CENPP: variants seen among roughly 807,000 people sequenced by gnomAD.
The protein encoded by CENPP is centromere protein P.
A neutral mutation model predicts 35.6 loss-of-function variants in CENPP; 24 were observed. The ratio of observed to expected loss-of-function variants is 0.67; its 90% CI spans 0.49 to 0.95. The LOEUF is 0.95. Among genes scored for constraint, CENPP ranks in the 40% least tolerant of loss-of-function variants. CENPP has a pLI of 0.00. For missense variants in CENPP, 332 were observed against 345.3 expected (o/e 0.96, Z 0.31); for synonymous variants, 120 against 125.5 (o/e 0.96, Z 0.29).
intron 5 of CENPP, chr9:92,511,963 C>G: frequency 7.1e-7 from 1 of 1,406,898 alleles, no homozygotes; most frequent in Non-Finnish European, 9.9e-7. Flanking sequence ...CAATGCAAGT[C>G]ATAGTGAAGC....
At chr9:92,566,161 C>T (rs1291837997) in intron 5 of CENPP, among the ~76,000 whole-genome samples, 2 of 151,704 alleles carry the variant, frequency 1.3e-5, no homozygotes, top group African/African-American at 2.4e-5. Flanking sequence ...ATTAGCCGGG[C>T]GTGATGTCGG....
At chr9:92,543,334 A>G (rs1388948740) in intron 5 of CENPP, among the ~76,000 whole-genome samples, 4 of 151,962 alleles carry the variant, frequency 2.6e-5, no homozygotes, top group Non-Finnish European at 2.9e-5. Flanking sequence ...TTGGCTGGGC[A>G]TGGTGGTACG....
At chr9:92,375,587 C>T (rs780127103) in intron 4 of CENPP, among the ~76,000 whole-genome samples, 11 of 152,184 alleles carry the variant, frequency 7.2e-5, no homozygotes, top group African/African-American at 1.9e-4. Flanking sequence ...TGAGCCACCG[C>T]GCCCGGCCAT....
intron 5 of CENPP, chr9:92,495,882 CTT>C: frequency 1.0e-6 from 1 of 981,406 alleles, no homozygotes; most frequent in South Asian, 4.7e-5. Context: ...ATAAACAACA[CTT>C]ATTCATAAAT....
chr9:92,400,384 C>T (rs995840323), intron 5 of CENPP, among the ~76,000 whole-genome samples: 2 of 152,066 alleles, frequency 1.3e-5, no homozygotes, highest in Non-Finnish European at 2.9e-5. Flanking sequence ...CTCCTGACCT[C>T]GTGATCCACC....
chr9:92,507,201 T>C (rs943395449), intron 5 of CENPP, among the ~76,000 whole-genome samples: 14 of 152,168 alleles, frequency 9.2e-5, no homozygotes, highest in African/African-American at 3.4e-4. Flanking sequence ...TCAGGATTAA[T>C]GGAAGTGCTG....
intron 5 of CENPP, among the ~76,000 whole-genome samples, chr9:92,545,696 C>T (rs1050214923): frequency 6.6e-6 from 1 of 151,380 alleles, no homozygotes; most frequent in African/African-American, 2.5e-5. Flanking sequence ...CTGGGTGAAT[C>T]CAGCTGGGCT....
At chr9:92,457,598 C>T (rs1844925548) in intron 5 of CENPP, 1 of 759,328 alleles carries the variant, frequency 1.3e-6, no homozygotes, top group African/African-American at 1.8e-5. Context: ...TTTACATTGG[C>T]TTGAATGTAT....
chr9:92,519,430 T>C (rs961943216), intron 5 of CENPP, among the ~76,000 whole-genome samples: 2 of 152,208 alleles, frequency 1.3e-5, no homozygotes, highest in South Asian at 2.1e-4. Flanking sequence ...TATAAAGATA[T>C]GATAATCAGC....
intron 4 of CENPP, among the ~76,000 whole-genome samples, chr9:92,359,944 C>T (rs1841701150): frequency 6.6e-6 from 1 of 152,076 alleles, no homozygotes; most frequent in Admixed American, 6.5e-5. Context: ...TCACAATTTA[C>T]CATCCAAGCC....
At chr9:92,344,692 C>T (rs1400080548) in intron 3 of CENPP, among the ~76,000 whole-genome samples, 10 of 151,546 alleles carry the variant, frequency 6.6e-5, no homozygotes, top group African/African-American at 1.9e-4. Flanking sequence ...GGATTACAGG[C>T]GCCTGCCACG....
intron 5 of CENPP, among the ~76,000 whole-genome samples, chr9:92,582,141 C>A (rs929600690): frequency 6.6e-6 from 1 of 152,118 alleles, no homozygotes; most frequent in Non-Finnish European, 1.5e-5. Flanking sequence ...GAAGCCTCAA[C>A]CTCCTGGGCT....
intron 5 of CENPP, among the ~76,000 whole-genome samples, chr9:92,458,513 A>G (rs1324499348): frequency 6.6e-6 from 1 of 152,228 alleles, no homozygotes; most frequent in Non-Finnish European, 1.5e-5. Flanking sequence ...ATAGTTTACC[A>G]TAGTACTGAT....
At chr9:92,481,219 T>C (rs1388789195) in intron 5 of CENPP, among the ~76,000 whole-genome samples, 2 of 152,214 alleles carry the variant, frequency 1.3e-5, no homozygotes, top group Non-Finnish European at 2.9e-5. Context: ...TTTAATTGAG[T>C]AGTTAGTTGT....
chr9:92,606,100 A>C (rs1055194913), intron 5 of CENPP, among the ~76,000 whole-genome samples: 3 of 152,118 alleles, frequency 2.0e-5, no homozygotes, highest in Admixed American at 1.3e-4. Context: ...GTCCCTATTA[A>C]AAAATACAAA....
chr9:92,434,426 C>T (rs1172474840), intron 5 of CENPP, among the ~76,000 whole-genome samples: 2 of 150,578 alleles, frequency 1.3e-5, no homozygotes, highest in African/African-American at 2.4e-5. Context: ...AATTGGAGAT[C>T]GAAATATTTA....
rs116633822 is a variant in CENPP, at chr9:92,516,358, C to T, written c.565-94956C>T. Among the ~76,000 whole-genome samples, 506 of 152,268 alleles carry T rather than the reference C, an allele frequency of 3.3e-3. 6 individuals are homozygous for T. The highest frequency in any genetic ancestry group is 0.01 in the Middle Eastern group (3 of 294). On this transcript the variant is annotated intron_variant, in intron 5 of 7. Transcript: ENST00000375587. ...GATTACAGGTGTGAGCTACCGTGCC[C>T]AGCCAGAGTGCATACGTTTTCTTCC...
At chr9:92,543,100 G>C (rs1489248718) in intron 5 of CENPP, among the ~76,000 whole-genome samples, 1 of 152,118 alleles carries the variant, frequency 6.6e-6, no homozygotes, top group Non-Finnish European at 1.5e-5. Context: ...CCAGTACTAT[G>C]CTGTTTGGAT....
intron 4 of CENPP, among the ~76,000 whole-genome samples, chr9:92,365,531 C>T (rs774611797): frequency 6.6e-6 from 1 of 151,174 alleles, no homozygotes. Flanking sequence ...CTGCCTCAGC[C>T]TCCTGAGCAG....
Sources: allele counts gnomAD v4.1 joint callset (sites outside exome capture counted in the v4.1 genomes callset), GRCh38; gene constraint gnomAD v4.1.1; transcripts MANE v1.5; gene names NCBI Gene and HGNC (gene_info 2026-07-23, HGNC 2026-07-21).